Variants in TPP2 observed in about 807,000 individuals in gnomAD.
TPP2 encodes the protein tripeptidyl peptidase 2, also known as tripeptidyl-peptidase 2.
TPP2 carries 34 observed loss-of-function variants against 155.9 expected under a neutral mutation model. The observed-to-expected ratio is 0.22, with a 90% CI of 0.17 to 0.29. TPP2 has a LOEUF of 0.29. Ranked by LOEUF, TPP2 falls within the 10% of genes least tolerant of loss-of-function variation. The probability of loss-of-function intolerance (pLI) is 1.00; values close to 1 mark genes in which losing one functional copy is unlikely to be tolerated. For synonymous variants in TPP2, 510 were observed against 529.4 expected (o/e 0.96, Z 0.50); for missense variants, 1,028 against 1,522.3 (o/e 0.68, Z 5.40).
At chr13:102,648,809 C>A in intron 21 of TPP2, 98 bp from the exon 22 acceptor site, 1 of 1,438,370 alleles carries the variant, frequency 7.0e-7, no homozygotes, top group Non-Finnish European at 9.2e-7. Context: ...ATATTATGAA[C>A]AAGTCTGTGA....
chr13:102,647,140 A>G (rs1196615457), intron 20 of TPP2, 67 bp from the exon 21 acceptor site: 23 of 1,474,430 alleles, frequency 1.6e-5, no homozygotes, highest in Non-Finnish European at 2.0e-5. Flanking sequence ...GTCAATAACA[A>G]TATTAAAAAT....
chr13:102,611,239 A>T (rs147326569), intron 2 of TPP2, among the ~76,000 whole-genome samples: 30 of 152,336 alleles, frequency 2.0e-4, no homozygotes, highest in African/African-American at 7.0e-4. Context: ...ATGTGTGTGG[A>T]TGTCTCCAGA....
intron 24 of TPP2, among the ~76,000 whole-genome samples, chr13:102,653,463 G>C (rs1883648019): frequency 2.0e-5 from 3 of 152,192 alleles, no homozygotes; most frequent in Admixed American, 6.5e-5. Context: ...CATGATCGTA[G>C]CTCACTGTTG....
intron 5 of TPP2, among the ~76,000 whole-genome samples, chr13:102,622,389 G>A (rs1185068179): frequency 6.6e-6 from 1 of 152,208 alleles, no homozygotes; most frequent in East Asian, 1.9e-4. Flanking sequence ...CAACCATAAA[G>A]TAATGTAGAA....
At position 102,622,950 on chromosome 13, in the gene TPP2, G is replaced by C. The variant is rs756044005; in HGVS notation, c.694G>C (p.Glu232Gln). ...GTTGAGAAACTACAAAGAAGCCCAA[G>C]AATATGGCTCTTTTGGCACAGCTGA... ...TVLRNYKEAQEYGSFGTAEML... is the reference protein window; with the variant it reads ...TVLRNYKEAQQYGSFGTAEML... The change falls in exon 6 of 30, where the codon GAA becomes CAA. Residue 232 changes from glutamate to glutamine, a missense_variant. By Grantham distance (29) the Glu-to-Gln change is conservative (BLOSUM62 2). Around this residue, in one of 7 missense-constraint regions of TPP2, gnomAD observed 300 missense variants for 398.3 expected, o/e 0.75. Coordinates refer to ENST00000376052, the MANE Select transcript of TPP2 (RefSeq NM_001330588.2). 1 of 1,614,114 alleles carries C rather than the reference G, an allele frequency of 6.2e-7. No homozygotes were observed. Among genetic ancestry groups the C allele is most frequent in the East Asian group, 2.2e-5 (1 of 44,874 alleles).
chr13:102,657,779 T>C (rs1883955337), intron 25 of TPP2, among the ~76,000 whole-genome samples: 1 of 152,184 alleles, frequency 6.6e-6, no homozygotes, highest in Non-Finnish European at 1.5e-5. Context: ...TCCATCATAT[T>C]GCATCTTAAA....
chr13:102,648,460 G>GTA (rs1254141648), intron 21 of TPP2, among the ~76,000 whole-genome samples: 1 of 125,784 alleles, frequency 8.0e-6, no homozygotes, highest in Non-Finnish European at 1.8e-5. Context: ...GTGTGTGTGT[G>GTA]TGTGTGTATT....
intron 8 of TPP2, among the ~76,000 whole-genome samples, chr13:102,628,544 C>A (rs1315161981): frequency 6.6e-6 from 1 of 152,158 alleles, no homozygotes; most frequent in Non-Finnish European, 1.5e-5. Flanking sequence ...GATGCACCCC[C>A]ACTCCCCTCC....
intron 1 of TPP2, among the ~76,000 whole-genome samples, chr13:102,603,518 A>G (rs1315029384): frequency 1.3e-5 from 2 of 152,206 alleles, no homozygotes; most frequent in African/African-American, 4.8e-5. Flanking sequence ...AATTCTAGGC[A>G]GAAGGAACCT....
At chr13:102,660,978 A>G (rs1446176438) in intron 25 of TPP2, among the ~76,000 whole-genome samples, 27 of 152,330 alleles carry the variant, frequency 1.8e-4, no homozygotes, top group Non-Finnish European at 1.8e-4. Context: ...CACATCATAT[A>G]TACAAGTTAA....
intron 16 of TPP2, among the ~76,000 whole-genome samples, chr13:102,642,746 G>A (rs999909684): frequency 1.3e-5 from 2 of 152,192 alleles, no homozygotes; most frequent in Admixed American, 6.5e-5. Flanking sequence ...AGGCTTTGTA[G>A]ACGCACACAG....
In TPP2 at chr13:102,662,504, C is replaced by A. The variant is rs573248317; in HGVS notation, c.3144-1144C>A. On this transcript the variant is annotated intron_variant, in intron 25 of 29. Transcript: ENST00000376052. ...TAGCAAAACTTTAAAAACCTTAGAACATTTTTTGGAAAAAAAAATTTATAA... is the reference window on the plus strand; with the variant it reads ...TAGCAAAACTTTAAAAACCTTAGAAAATTTTTTGGAAAAAAAAATTTATAA... 6.6e-5 allele frequency among the ~76,000 whole-genome samples: 10 copies of A among 152,046 alleles called. No homozygotes were observed. The South Asian group carries it at 2.1e-3, about 32-fold the overall frequency.
At chr13:102,668,699 C>T (rs1023178809) in intron 27 of TPP2, among the ~76,000 whole-genome samples, 2 of 152,104 alleles carry the variant, frequency 1.3e-5, no homozygotes, top group Non-Finnish European at 2.9e-5. Flanking sequence ...ATCCCAATAG[C>T]GTGTAGCAGG....
At chr13:102,606,282 A>C (rs1342340762) in intron 2 of TPP2, among the ~76,000 whole-genome samples, 3 of 152,226 alleles carry the variant, frequency 2.0e-5, no homozygotes, top group African/African-American at 7.2e-5. Context: ...TTGTGGCAGC[A>C]TATTGGCTTT....
At chr13:102,664,958 T>G (rs1290468680) in intron 27 of TPP2, 33 bp downstream of exon 27, 1 of 1,605,526 alleles carries the variant, frequency 6.2e-7, no homozygotes, top group Admixed American at 1.7e-5. Flanking sequence ...TTCTTGCATC[T>G]CATTTCCTAG....
At chr13:102,650,864 G>A (rs903842477) in intron 23 of TPP2, among the ~76,000 whole-genome samples, 1 of 152,078 alleles carries the variant, frequency 6.6e-6, no homozygotes, top group Non-Finnish European at 1.5e-5. Flanking sequence ...GTAACTTAAA[G>A]CTGTTGAGTT....
chr13:102,618,319 G>A (rs1880902787), intron 4 of TPP2, among the ~76,000 whole-genome samples: 1 of 152,060 alleles, frequency 6.6e-6, no homozygotes, highest in Admixed American at 6.6e-5. Flanking sequence ...GATAGAATAG[G>A]TCCTGATATA....
In TPP2 at chr13:102,635,609, C is replaced by T. The variant is rs752838507; in HGVS notation, c.1416C>T (p.Asp472=). ...TAGGTCTGAAAGCTAATAACATTGACTACACAGTTCATTCAGTCAGAAGAG... is the reference window on the plus strand; with the variant it reads ...TAGGTCTGAAAGCTAATAACATTGATTACACAGTTCATTCAGTCAGAAGAG... ...ILSGLKANNI[D]YTVHSVRRAL... Residue 472 remains aspartate (D), a synonymous_variant, in exon 12 of 30, where the codon GAC becomes GAT. Coordinates refer to ENST00000376052, the MANE Select transcript of TPP2 (RefSeq NM_001330588.2). 15 of 1,612,730 alleles carry T rather than the reference C, an allele frequency of 9.3e-6. No homozygotes were observed. Among genetic ancestry groups the T allele is most frequent in the Non-Finnish European group, 1.2e-5 (14 of 1,179,684 alleles).
chr13:102,625,651 A>G lies in TPP2; in HGVS notation c.785-1361A>G, dbSNP rs150274011. ...ATCACATTAAACTTGTGCTCTCCCA[A>G]TTTTATCTGGGGAAAGAAATAAGAA... On this transcript the variant is annotated intron_variant, in intron 6 of 29. Coordinates refer to ENST00000376052, the MANE Select transcript of TPP2 (RefSeq NM_001330588.2). Among the ~76,000 whole-genome samples, 13 of 152,242 alleles carry G rather than the reference A, an allele frequency of 8.5e-5. No individual in the cohort carries two copies. The East Asian group carries it at 1.7e-3, about 20-fold the overall frequency.
Sources: gnomAD v4.1 joint callset for allele counts (sites outside exome capture counted in the v4.1 genomes callset) on GRCh38, gnomAD v4.1.1 for gene constraint, gnomAD v4.1.1 regional missense constraint, MANE v1.5 for transcripts, NCBI Gene and HGNC (gene_info 2026-07-23, HGNC 2026-07-21) for gene names.